The following ARMCX4 variants were observed in gnomAD, a reference collection of about 807,000 sequenced individuals.
ARMCX4 encodes the protein armadillo repeat-containing X-linked protein 4.
A neutral mutation model predicts 34.7 loss-of-function variants in ARMCX4; 3 were observed. That is an observed-to-expected ratio of 0.09 (90% CI 0.04 to 0.22). ARMCX4 has a LOEUF of 0.22. ARMCX4 is among the 10% of genes least tolerant of loss of function. The pLI, the probability that ARMCX4 is intolerant of heterozygous loss-of-function variation, is 1.00. For synonymous variants in ARMCX4, 513 were observed against 632.8 expected (o/e 0.81, Z 2.84); for missense variants, 1,448 against 1,720.8 (o/e 0.84, Z 2.81).
At chrX:101,429,548 CTGG>C (rs1398827274) in intron 2 of ARMCX4, among the ~76,000 whole-genome samples, 2 of 110,389 alleles carry the variant, frequency 1.8e-5, no homozygotes, top group East Asian at 5.7e-4. Context: ...GTTGGCCAGG[CTGG>C]TCTCAAACTC....
At chrX:101,444,705 T>G in intron 3 of ARMCX4, among the ~76,000 whole-genome samples, 1 of 112,231 alleles carries the variant, frequency 8.9e-6, no homozygotes, top group East Asian at 2.8e-4. Context: ...AAGGTATAAG[T>G]GACAAATAAA....
At chrX:101,484,640 C>T (rs892601724), upstream of ARMCX4, among the ~76,000 whole-genome samples, 2 of 112,075 alleles carry the variant, frequency 1.8e-5, no homozygotes, top group African/African-American at 6.5e-5. Flanking sequence ...TATTAGAAAA[C>T]GAAATGTCTT....
chrX:101,490,498 C>T lies in ARMCX4; in HGVS notation c.1909C>T (p.Gln637Ter). 1 of 1,155,820 alleles carries T rather than the reference C, an allele frequency of 8.7e-7. No individual in the cohort carries two copies. Among genetic ancestry groups the T allele is most frequent in the Non-Finnish European group, 1.1e-6 (1 of 872,892 alleles). The change falls in exon 6 of 6, where the codon CAG becomes TAG. Residue 637 changes from glutamine to a stop codon, truncating the protein, a stop_gained. Coordinates refer to ENST00000423738, the MANE Select transcript of ARMCX4 (RefSeq NM_001256155.3). LOFTEE classifies it low-confidence loss of function (END_TRUNC). The part of the protein sequence containing the change: ...SAQPEAVVSF[Q>*]GEALLGTKNK... Reference sequence around the variant, plus strand: ...CCAGCCTGAGGCAGTGGTCAGTTTCCAGGGTGAGGCCTTGCTTGGCACCAA... The same window carrying T: ...CCAGCCTGAGGCAGTGGTCAGTTTCTAGGGTGAGGCCTTGCTTGGCACCAA...
chrX:101,493,606 G>T lies in ARMCX4; in HGVS notation c.5017G>T (p.Ala1673Ser). The T allele has an allele frequency of 8.7e-7, 1 of 1,154,381 alleles. No individual in the cohort carries two copies. ...TCAGGCTTGTGGAGGAGGCTCCTGG[G>T]CTGGTGCTGGGAGCCAAGCCAGTGG... ...EDQACGGGSW[A>S]GAGSQASGES... Residue 1673 changes from alanine to serine, a missense_variant, in exon 6 of 6, where the codon GCT (alanine) becomes TCT (serine). By Grantham distance (99) the Ala-to-Ser change is moderately conservative. Coordinates refer to ENST00000423738, the MANE Select transcript of ARMCX4 (RefSeq NM_001256155.3).
Position 101,490,766 on chromosome X carries a change from A to G in ARMCX4, c.2177A>G (p.Asn726Ser). The change falls in exon 6 of 6, where the codon AAT becomes AGT. Residue 726 changes from asparagine to serine, a missense_variant. Asn to Ser is a conservative substitution (Grantham distance 46). This residue lies in a region of ARMCX4 where 1,343 missense variants were observed against 1,540.7 expected (regional missense o/e 0.87). Transcript: ENST00000423738. ...SQGEVLPGAK[N>S]KIRGNPTTVP... ...GGTGAGGTCTTGCCTGGTGCCAAGA[A>G]TAAGATCAGAGGCAATCCCACTACT... The G allele has an allele frequency of 8.7e-7, 1 of 1,151,133 alleles. No homozygotes were observed. 94.9% of individuals were successfully genotyped at this position (1,151,133 alleles called of 1,213,427 possible).
chrX:101,507,839 T>C, intron 8 of ARMCX4, among the ~76,000 whole-genome samples: 1 of 112,057 alleles, frequency 8.9e-6, no homozygotes, highest in East Asian at 2.8e-4. Context: ...GCATATAGTT[T>C]AAAAATCCAA....
chrX:101,435,226 G>A (rs1230396622), intron 2 of ARMCX4, among the ~76,000 whole-genome samples: 2 of 111,915 alleles, frequency 1.8e-5, no homozygotes, highest in Admixed American at 9.5e-5. Flanking sequence ...GACTTCCACA[G>A]TGGTTGAACT....
At chrX:101,515,324 C>CTTTCTTTCTTTCCTTTCCT (rs1556017339) in intron 11 of ARMCX4, among the ~76,000 whole-genome samples, 5 of 105,865 alleles carry the variant, frequency 4.7e-5, no homozygotes, top group African/African-American at 1.7e-4. Context: ...TCCTTCCTCC[C>CTTTCTTTCTTTCCTTTCCT]TTTCTTTCTT....
chrX:101,460,755 T>G (rs1452736519), intron 4 of ARMCX4, among the ~76,000 whole-genome samples: 1 of 111,965 alleles, frequency 8.9e-6, no homozygotes, highest in African/African-American at 3.3e-5. Context: ...TATTAATATA[T>G]GTAGCTAATT....
chrX:101,524,172 T>C (rs1556019808), intron 11 of ARMCX4: 3 of 111,932 alleles, frequency 2.7e-5, no homozygotes, highest in African/African-American at 9.7e-5. Flanking sequence ...GTAGAAAATA[T>C]ATTTGAGGAA....
chrX:101,492,481 C>G lies in ARMCX4; in HGVS notation c.3892C>G (p.Gln1298Glu). The part of the protein sequence containing the change: ...SVSYWAGVVD[Q>E]AGGGSWAGTS... Reference sequence around the variant, plus strand: ...TTCATACTGGGCTGGGGTTGTGGATCAGGCCGGTGGAGGGTCCTGGGCTGG... The same window carrying G: ...TTCATACTGGGCTGGGGTTGTGGATGAGGCCGGTGGAGGGTCCTGGGCTGG... The change falls in exon 6 of 6, where the codon CAG becomes GAG. Residue 1298 changes from glutamine to glutamate, a missense_variant. This residue lies in a region of ARMCX4 where 1,343 missense variants were observed against 1,540.7 expected (regional missense o/e 0.87). Transcript: ENST00000423738. 1.7e-6 allele frequency: 2 copies of G among 1,150,821 alleles called. No individual in the cohort carries two copies. The highest frequency in any genetic ancestry group is 2.3e-6 in the Non-Finnish European group (2 of 870,787). 94.8% of individuals were successfully genotyped at this position (1,150,821 alleles called of 1,213,427 possible). A position where few individuals can be genotyped will look rare whatever the true frequency, so the allele number is the denominator to read the frequency against.
At chrX:101,484,983 A>G (rs1933624583), upstream of ARMCX4, among the ~76,000 whole-genome samples, 1 of 111,642 alleles carries the variant, frequency 9.0e-6, no homozygotes, top group Non-Finnish European at 1.9e-5. Flanking sequence ...TTCCTTCCTG[A>G]TACCCCCTTC....
chrX:101,483,256 T>C (rs782380947), upstream of ARMCX4, among the ~76,000 whole-genome samples: 21 of 111,009 alleles, frequency 1.9e-4, no homozygotes, highest in African/African-American at 6.9e-4. Flanking sequence ...AATATATCTT[T>C]GTGAAACTGT....
intron 11 of ARMCX4, among the ~76,000 whole-genome samples, chrX:101,520,110 T>C (rs1934820903): frequency 8.9e-6 from 1 of 112,212 alleles, no homozygotes; most frequent in African/African-American, 3.2e-5. Context: ...TAAACAGAAT[T>C]ATTTTCCTAA....
At chrX:101,483,189 C>T (rs782169586), upstream of ARMCX4, among the ~76,000 whole-genome samples, 3 of 109,168 alleles carry the variant, frequency 2.7e-5, no homozygotes, top group East Asian at 2.8e-4. Context: ...CCACCGTGCC[C>T]GGCTGCGTCA....
At chrX:101,526,570 T>A (rs183182456) in intron 11 of ARMCX4, among the ~76,000 whole-genome samples, 13 of 111,904 alleles carry the variant, frequency 1.2e-4, no homozygotes, top group Admixed American at 4.7e-4. Flanking sequence ...ACCATCAGTG[T>A]GCTGTATTCA....
At chrX:101,466,044 TG>T (rs1219168184) in intron 4 of ARMCX4, among the ~76,000 whole-genome samples, 1 of 112,016 alleles carries the variant, frequency 8.9e-6, no homozygotes, top group East Asian at 2.8e-4. Context: ...CTTTCTAAGA[TG>T]CTGTTAAGGA....
downstream of ARMCX4, among the ~76,000 whole-genome samples, chrX:101,452,407 A>C (rs1459395760): frequency 8.9e-6 from 1 of 112,478 alleles, no homozygotes; most frequent in Admixed American, 9.4e-5. Flanking sequence ...TAGTCCCTTC[A>C]GAACAACTCA....
intron 4 of ARMCX4, among the ~76,000 whole-genome samples, chrX:101,467,805 C>T (rs1442728780): frequency 8.9e-6 from 1 of 112,120 alleles, no homozygotes; most frequent in East Asian, 2.8e-4. Context: ...ATGGTTTCTG[C>T]TGGAAAGGCA....
Sources: gnomAD v4.1 joint callset for allele counts (sites outside exome capture counted in the v4.1 genomes callset) on GRCh38, gnomAD v4.1.1 for gene constraint, gnomAD v4.1.1 regional missense constraint, MANE v1.5 for transcripts, NCBI Gene and HGNC (gene_info 2026-07-23, HGNC 2026-07-21) for gene names.